SEMA5A: variants seen among roughly 807,000 people sequenced by gnomAD.
The protein encoded by SEMA5A is semaphorin 5A.
A neutral mutation model predicts 135.5 loss-of-function variants in SEMA5A; 55 were observed. The ratio of observed to expected loss-of-function variants is 0.41; its 90% CI spans 0.33 to 0.51. SEMA5A has a LOEUF of 0.51. Among genes scored for constraint, SEMA5A ranks in the 20% least tolerant of loss-of-function variants. The pLI is 0.37. For synonymous variants in SEMA5A, 580 were observed against 546.5 expected (o/e 1.06, Z -0.85); for missense variants, 1,290 against 1,419.9 (o/e 0.91, Z 1.47).
intron 2 of SEMA5A, among the ~76,000 whole-genome samples, chr5:9,429,427 A>G (rs942709872): frequency 1.3e-5 from 2 of 152,232 alleles, no homozygotes; most frequent in Non-Finnish European, 2.9e-5. Flanking sequence ...GTGAGTGAAC[A>G]AAATAAGCAA....
chr5:9,084,026 T>C lies in SEMA5A; in HGVS notation c.2074-17380A>G, dbSNP rs148782199. On this transcript the variant is annotated intron_variant, in intron 16 of 22. Transcript: ENST00000382496. ...TCCATGCCCTAAAAGTGGAATATCATTGCTAACAAAAGGAAAACCTTAGAG... is the reference window on the plus strand; with the variant it reads ...TCCATGCCCTAAAAGTGGAATATCACTGCTAACAAAAGGAAAACCTTAGAG... 8.3e-4 allele frequency among the ~76,000 whole-genome samples: 127 copies of C among 152,352 alleles called. 1 individual carries two copies. In the East Asian group the frequency reaches 0.015, roughly 18 times the overall value.
intron 14 of SEMA5A, among the ~76,000 whole-genome samples, chr5:9,121,711 A>T (rs80258489): frequency 6.6e-6 from 1 of 152,064 alleles, no homozygotes. Flanking sequence ...ACAAAAAAAA[A>T]CCCTAATCTC....
chr5:9,367,666 CTT>C, intron 3 of SEMA5A, among the ~76,000 whole-genome samples: 1 of 152,294 alleles, frequency 6.6e-6, no homozygotes, highest in South Asian at 2.1e-4. Flanking sequence ...CTTAAAATAA[CTT>C]TGTGAGGAAA....
intron 21 of SEMA5A, among the ~76,000 whole-genome samples, chr5:9,047,221 G>GGTAACTCATGTTTC (rs1736312668): frequency 6.6e-6 from 1 of 152,126 alleles, no homozygotes; most frequent in Non-Finnish European, 1.5e-5. Flanking sequence ...CTGCTGCACC[G>GGTAACTCATGTTTC]GTAACTCATG....
intron 5 of SEMA5A, among the ~76,000 whole-genome samples, chr5:9,317,429 C>A (rs932569303): frequency 2.0e-5 from 3 of 152,084 alleles, no homozygotes; most frequent in African/African-American, 7.2e-5. Context: ...GATCACAAAT[C>A]AGGTTGATGT....
At chr5:9,392,870 A>T (rs1044264159) in intron 2 of SEMA5A, among the ~76,000 whole-genome samples, 1 of 152,196 alleles carries the variant, frequency 6.6e-6, no homozygotes, top group East Asian at 1.9e-4. Flanking sequence ...TGAATCATCC[A>T]CTTTATTTTA....
intron 3 of SEMA5A, among the ~76,000 whole-genome samples, chr5:9,365,239 G>C (rs1190119775): frequency 6.6e-6 from 1 of 152,188 alleles, no homozygotes; most frequent in Non-Finnish European, 1.5e-5. Flanking sequence ...TGGAGCAAGG[G>C]CAAGGCTAGT....
At chr5:9,287,374 T>C (rs1750850741) in intron 5 of SEMA5A, among the ~76,000 whole-genome samples, 1 of 152,216 alleles carries the variant, frequency 6.6e-6, no homozygotes, top group African/African-American at 2.4e-5. Flanking sequence ...GAATAGACAC[T>C]ACATCCTTTC....
chr5:9,132,047 C>A (rs1326924256), intron 13 of SEMA5A, among the ~76,000 whole-genome samples: 1 of 152,140 alleles, frequency 6.6e-6, no homozygotes, highest in Non-Finnish European at 1.5e-5. Flanking sequence ...TGATGCACTT[C>A]AAATCTCTTA....
At chr5:9,240,759 A>C (rs1198132710) in intron 5 of SEMA5A, among the ~76,000 whole-genome samples, 1 of 152,076 alleles carries the variant, frequency 6.6e-6, no homozygotes, top group African/African-American at 2.4e-5. Flanking sequence ...TTCTCAGTGA[A>C]AATTTTTATT....
chr5:9,154,573 G>A lies in SEMA5A; in HGVS notation c.1396C>T (p.His466Tyr). 6.2e-7 allele frequency: 1 copy of A among 1,613,624 alleles called. No homozygotes were observed. Among genetic ancestry groups the A allele is most frequent in the Non-Finnish European group, 8.5e-7 (1 of 1,179,964 alleles). Reference protein sequence around the residue: ...REPIRSLQILHSQSVLFVGLR... With the variant: ...REPIRSLQILYSQSVLFVGLR... ...CCCACGAACAGGACACTCTGGCTGT[G>A]CAGGATCTGCAGGCTCCTGATGGGC... The change falls in exon 12 of 23, where the codon CAC becomes TAC. Residue 466 changes from histidine (H) to tyrosine (Y), a missense_variant. Transcript: ENST00000382496.
Position 9,037,427 on chromosome 5 carries a change from C to CTAT in SEMA5A, c.*5467_*5469dup, listed in dbSNP as rs1561085444. On this transcript the variant is annotated 3_prime_UTR_variant, in exon 23 of 23. Transcript: ENST00000382496. ...CCCTATGTCGCTTGCAATGTGAACT[C>CTAT]TATTTTCAAAAGTGGATAGGATTCC... 1 of 152,186 alleles carries CTAT rather than the reference C, an allele frequency of 6.6e-6. No homozygotes were observed. The highest frequency in any genetic ancestry group is 2.4e-5 in the African/African-American group (1 of 41,438). 9.4% of individuals were successfully genotyped at this position (152,186 alleles called of 1,614,324 possible).
chr5:9,160,086 C>T (rs1249466221), intron 11 of SEMA5A, among the ~76,000 whole-genome samples: 1 of 152,090 alleles, frequency 6.6e-6, no homozygotes, highest in South Asian at 2.1e-4. Context: ...ACTTAGAAGA[C>T]AGGTCAATAG....
intron 1 of SEMA5A, among the ~76,000 whole-genome samples, chr5:9,532,616 C>A (rs1233997009): frequency 1.3e-5 from 2 of 152,116 alleles, no homozygotes; most frequent in Non-Finnish European, 2.9e-5. Flanking sequence ...GAAGGCATTT[C>A]TCTAGACATG....
At chr5:9,283,402 C>G (rs1005200953) in intron 5 of SEMA5A, among the ~76,000 whole-genome samples, 3 of 152,116 alleles carry the variant, frequency 2.0e-5, no homozygotes, top group Non-Finnish European at 2.9e-5. Context: ...CCTGTCTGCC[C>G]TGTGGTTCTC....
rs1354440711 is a variant in SEMA5A at position 9,384,649 on chromosome 5, TAG to T, written c.-77-4628_-77-4627del. On this transcript the variant is annotated intron_variant, in intron 2 of 22. Coordinates refer to ENST00000382496, the MANE Select transcript of SEMA5A (RefSeq NM_003966.3). The stretch of plus-strand genomic sequence containing the variant: ...ATAGATAGATAGATAGATAGATAGA[TAG>T]ATAGATAGATATAGATAGATAGATA... Among the ~76,000 whole-genome samples the T allele has an allele frequency of 2.1e-4, 28 of 133,006 alleles. 5 individuals are homozygous for T. Among genetic ancestry groups the T allele is most frequent in the East Asian group, 4.1e-4 (2 of 4,880 alleles). 87.3% of individuals were successfully genotyped at this position (133,006 alleles called of 152,430 possible).
In SEMA5A at chr5:9,440,686, A is replaced by G. The variant is rs117543215; in HGVS notation, c.-174-2834T>C. On this transcript the variant is annotated intron_variant, in intron 1 of 22. Transcript: ENST00000382496. Reference sequence around the variant, plus strand: ...ACTACATGAAGAAGATTGAATACCAATTATAACTTACTAAGTGCTCATCAG... The same window carrying G: ...ACTACATGAAGAAGATTGAATACCAGTTATAACTTACTAAGTGCTCATCAG... 2.7e-4 allele frequency among the ~76,000 whole-genome samples: 41 copies of G among 152,348 alleles called. No individual in the cohort carries two copies. In the East Asian group the frequency reaches 7.9e-3, roughly 29 times the overall value.
At chr5:9,525,159 C>A (rs1737058099) in intron 1 of SEMA5A, among the ~76,000 whole-genome samples, 1 of 152,204 alleles carries the variant, frequency 6.6e-6, no homozygotes, top group African/African-American at 2.4e-5. Context: ...AATAAAGTTT[C>A]ATTGGAACAC....
rs942071624 is a variant in SEMA5A at position 9,064,205 on chromosome 5, G to A, written c.2300-1100C>T. On this transcript the variant is annotated intron_variant, in intron 17 of 22. Transcript: ENST00000382496. Reference sequence around the variant, plus strand: ...TGGTGAATCAATAAAGAAAAACTATGCACAAATCAAGCCTCATTTTATGTG... The same window carrying A: ...TGGTGAATCAATAAAGAAAAACTATACACAAATCAAGCCTCATTTTATGTG... Among the ~76,000 whole-genome samples the A allele has an allele frequency of 3.3e-5, 5 of 152,164 alleles. No homozygotes were observed. In the South Asian group the frequency reaches 1.0e-3, roughly 32 times the overall value.
Sources: gnomAD v4.1 joint callset for allele counts (sites outside exome capture counted in the v4.1 genomes callset) on GRCh38, gnomAD v4.1.1 for gene constraint, MANE v1.5 for transcripts, NCBI Gene and HGNC (gene_info 2026-07-23, HGNC 2026-07-21) for gene names.